ZNF605: variants seen among roughly 807,000 people sequenced by gnomAD.
The protein encoded by ZNF605 is zinc finger protein 605.
A neutral mutation model predicts 7.9 loss-of-function variants in ZNF605; 9 were observed. The ratio of observed to expected loss-of-function variants is 1.14; its 90% CI spans 0.68 to 1.98. ZNF605 has a LOEUF of 1.98. Among genes scored for constraint, ZNF605 ranks in the 30% most tolerant of loss-of-function variants. ZNF605 has a pLI of 0.00. For missense variants in ZNF605, 673 were observed against 762.4 expected (o/e 0.88, Z 1.38); for synonymous variants, 255 against 260.1 (o/e 0.98, Z 0.19).
chr12:132,932,909 T>C, intron 4 of ZNF605, 126 bp downstream of exon 4: 1 of 1,376,756 alleles, frequency 7.3e-7, no homozygotes, highest in Non-Finnish European at 9.7e-7. Context: ...AGCAAGTGAA[T>C]GAAAATCTTT....
chr12:132,953,284 C>T (rs920043866), intron 1 of ZNF605, among the ~76,000 whole-genome samples: 5 of 152,210 alleles, frequency 3.3e-5, no homozygotes. Flanking sequence ...GAGACACACA[C>T]TATGGGTTCC....
rs1353185202 is a variant in ZNF605, at chr12:132,941,790, C to T, written c.15+3831G>A. ...TCCGGGCTGCCCTCCGTCACGCGCC[C>T]TTTTCCAGGCTGCCCTCTGTCACGC... On this transcript the variant is annotated intron_variant, in intron 3 of 4. Coordinates refer to ENST00000360187, the MANE Select transcript of ZNF605 (RefSeq NM_183238.4). This position sits in a 1 kb window ranked among gnomAD's most constrained non-coding sequence, Gnocchi z 5.1. Among the ~76,000 whole-genome samples, 1 of 151,486 alleles carries T rather than the reference C, an allele frequency of 6.6e-6. No individual in the cohort carries two copies. The highest frequency in any genetic ancestry group is 1.5e-5 in the Non-Finnish European group (1 of 67,838).
Position 132,933,364 on chromosome 12 carries a change from T to G in ZNF605, c.16-209A>C, listed in dbSNP as rs1053409768. Among the ~76,000 whole-genome samples the G allele has an allele frequency of 2.0e-5, 3 of 152,204 alleles. No homozygotes were observed. Among genetic ancestry groups the G allele is most frequent in the Non-Finnish European group, 4.4e-5 (3 of 68,036 alleles). ...AACAGAACAGGGAAACATGATGAGATGCCACTTCCAAGACTAGGTTAGAAA... is the reference window on the plus strand; with the variant it reads ...AACAGAACAGGGAAACATGATGAGAGGCCACTTCCAAGACTAGGTTAGAAA... On this transcript the variant is annotated intron_variant, in intron 3 of 4. Coordinates refer to ENST00000360187, the MANE Select transcript of ZNF605 (RefSeq NM_183238.4). This position sits in a 1 kb window ranked among gnomAD's most constrained non-coding sequence, Gnocchi z 4.4.
At chr12:132,944,784 T>A (rs1341229790) in intron 3 of ZNF605, 4 of 153,288 alleles carry the variant, frequency 2.6e-5, no homozygotes, top group African/African-American at 9.6e-5. Context: ...TGTATATGAA[T>A]AATTATCAAA....
chr12:132,937,379 A>AAAAAAAT (rs1952378932), intron 3 of ZNF605, among the ~76,000 whole-genome samples: 3 of 149,842 alleles, frequency 2.0e-5, no homozygotes, highest in Non-Finnish European at 3.0e-5. Context: ...AAAAAAAAAA[A>AAAAAAAT]AGAAAATGTA....
intron 1 of ZNF605, among the ~76,000 whole-genome samples, chr12:132,951,555 CTG>C (rs1952567503): frequency 6.8e-6 from 1 of 147,712 alleles, no homozygotes; most frequent in Non-Finnish European, 1.5e-5. Flanking sequence ...CATACACACA[CTG>C]ATGCACACGT....
Position 132,933,849 on chromosome 12 carries a change from G to T in ZNF605, c.16-694C>A, listed in dbSNP as rs1952330694. The stretch of plus-strand genomic sequence containing the variant: ...TAGGTTGTCTTTAAACAATACAGTG[G>T]TTCTCAAAGAAGGTGCCACTAGTAT... On this transcript the variant is annotated intron_variant, in intron 3 of 4. Transcript: ENST00000360187. This position sits in a 1 kb window ranked among gnomAD's most constrained non-coding sequence, Gnocchi z 4.4. Among the ~76,000 whole-genome samples the T allele has an allele frequency of 6.6e-6, 1 of 152,182 alleles. No homozygotes were observed. Among genetic ancestry groups the T allele is most frequent in the Non-Finnish European group, 1.5e-5 (1 of 68,032 alleles).
intron 1 of ZNF605, among the ~76,000 whole-genome samples, chr12:132,951,858 T>A (rs1331982756): frequency 6.6e-6 from 1 of 150,652 alleles, no homozygotes; most frequent in Non-Finnish European, 1.5e-5. Context: ...CATCACACAC[T>A]ATACTCACAC....
chr12:132,933,197 T>C lies in ZNF605; in HGVS notation c.16-42A>G. 1 of 1,569,202 alleles carries C rather than the reference T, an allele frequency of 6.4e-7. No individual in the cohort carries two copies. The highest frequency in any genetic ancestry group is 1.2e-5 in the South Asian group (1 of 84,670). On this transcript the variant is annotated intron_variant, in intron 3 of 4. Transcript: ENST00000360187. This position sits in a 1 kb window ranked among gnomAD's most constrained non-coding sequence, Gnocchi z 4.4. ...CCTGTTAAACCTGAAGTGGTTCTCA[T>C]TTGGTCTTGTAAAATACTTTCTTCT...
At chr12:132,950,286 C>G (rs904804252) in intron 1 of ZNF605, among the ~76,000 whole-genome samples, 73 of 152,230 alleles carry the variant, frequency 4.8e-4, no homozygotes, top group African/African-American at 1.6e-3. Flanking sequence ...CTGGCCTCCC[C>G]CTTCAGAATC....
chr12:132,921,987 A>T lies in ZNF605; in HGVS notation c.*3386T>A, dbSNP rs1398509264. 5 of 152,238 alleles carry T rather than the reference A, an allele frequency of 3.3e-5. No homozygotes were observed. The highest frequency in any genetic ancestry group is 9.6e-5 in the African/African-American group (4 of 41,462). The allele number at this position is 152,238 out of a possible 1,614,324, so 9.4% of individuals were successfully genotyped here. On this transcript the variant is annotated 3_prime_UTR_variant, in exon 5 of 5. Coordinates refer to ENST00000360187, the MANE Select transcript of ZNF605 (RefSeq NM_183238.4). ...TAGAAAAGCTGATTTTCTTTTTGGCAGCATATTTCCGGTGAGAACTGATGG... is the reference window on the plus strand; with the variant it reads ...TAGAAAAGCTGATTTTCTTTTTGGCTGCATATTTCCGGTGAGAACTGATGG...
intron 4 of ZNF605, 75 bp downstream of exon 4, chr12:132,932,960 C>G (rs1354325969): frequency 2.0e-6 from 3 of 1,497,806 alleles, no homozygotes; most frequent in African/African-American, 2.8e-5. Context: ...ACATGTAAAA[C>G]TTACATCCAA....
chr12:132,940,784 TGCA>T (rs1952428219), intron 3 of ZNF605, among the ~76,000 whole-genome samples: 1 of 152,110 alleles, frequency 6.6e-6, no homozygotes, highest in Admixed American at 6.6e-5. Flanking sequence ...CAAGTCCATG[TGCA>T]GGTTTGTTTT....
chr12:132,948,466 A>G (rs987803212), intron 1 of ZNF605, 196 bp from the exon 2 acceptor site: 1 of 152,290 alleles, frequency 6.6e-6, no homozygotes, highest in Non-Finnish European at 1.5e-5. Flanking sequence ...GGTGACTCCC[A>G]AGCACACGGC....
At chr12:132,951,429 CCA>C (rs1226174589) in intron 1 of ZNF605, among the ~76,000 whole-genome samples, 9 of 151,012 alleles carry the variant, frequency 6.0e-5, no homozygotes, top group South Asian at 2.1e-4. Flanking sequence ...ACACGTACAC[CCA>C]CAGATACGTA....
At chr12:132,935,947 G>A (rs1952361098) in intron 3 of ZNF605, among the ~76,000 whole-genome samples, 2 of 149,156 alleles carry the variant, frequency 1.3e-5, no homozygotes, top group Admixed American at 1.3e-4. Context: ...TGTAGTCCCA[G>A]CTACTCGGGA....
At chr12:132,934,096 A>AACACAC (rs112682806) in intron 3 of ZNF605, among the ~76,000 whole-genome samples, 1 of 149,652 alleles carries the variant, frequency 6.7e-6, no homozygotes, top group South Asian at 2.1e-4. Flanking sequence ...AACTCTATTA[A>AACACAC]ACACACACAC....
chr12:132,953,212 A>G (rs1427504064), intron 1 of ZNF605, among the ~76,000 whole-genome samples: 2 of 152,018 alleles, frequency 1.3e-5, no homozygotes, highest in African/African-American at 4.8e-5. Flanking sequence ...CAGGACCACA[A>G]TGGCTGACTT....
At chr12:132,947,104 C>T (rs2137157975) in intron 2 of ZNF605, among the ~76,000 whole-genome samples, 1 of 152,088 alleles carries the variant, frequency 6.6e-6, no homozygotes, top group South Asian at 2.1e-4. Flanking sequence ...CCTCCGCCTC[C>T]TGGGTTCAAG....
Sources: gnomAD v4.1 joint callset for allele counts (sites outside exome capture counted in the v4.1 genomes callset) on GRCh38, gnomAD v4.1.1 for gene constraint, Gnocchi (gnomAD v3.1) non-coding constraint, MANE v1.5 for transcripts, NCBI Gene and HGNC (gene_info 2026-07-23, HGNC 2026-07-21) for gene names.